The following CTNNA3 variants were observed in gnomAD, a reference collection of about 807,000 sequenced individuals.
The protein encoded by CTNNA3 is catenin alpha 3, also known as catenin alpha-3.
Under a neutral mutation model 95.7 loss-of-function variants are expected in CTNNA3, and 76 were observed. The observed-to-expected ratio is 0.79, with a 90% CI of 0.66 to 0.96. The LOEUF (loss-of-function observed/expected upper bound fraction) is 0.96, where lower values mean the gene tolerates loss of function less well. Ranked by LOEUF, CTNNA3 falls within the 40% of genes least tolerant of loss-of-function variation. The pLI is 0.00. For synonymous variants in CTNNA3, 431 were observed against 374.4 expected, an observed-to-expected ratio of 1.15 and a Z score of -1.74; for missense variants, 1,191 against 1,089.8, an observed-to-expected ratio of 1.09 and a Z score of -1.31.
intron 12 of CTNNA3, among the ~76,000 whole-genome samples, chr10:66,289,710 G>A (rs573209747): frequency 6.6e-6 from 1 of 152,008 alleles, no homozygotes; most frequent in African/African-American, 2.4e-5. Context: ...TCTTTTTAAA[G>A]CTGAATTTCC....
intron 1 of CTNNA3, among the ~76,000 whole-genome samples, chr10:67,708,138 G>T (rs529964892): frequency 1.3e-5 from 2 of 152,264 alleles, no homozygotes; most frequent in East Asian, 3.9e-4. Context: ...GGGCTAAAAT[G>T]AATGTTTTTC....
At chr10:66,322,292 C>T (rs1168331785) in intron 12 of CTNNA3, among the ~76,000 whole-genome samples, 1 of 152,096 alleles carries the variant, frequency 6.6e-6, no homozygotes, top group African/African-American at 2.4e-5. Flanking sequence ...TTTTCAGGCA[C>T]TGGAAAACAG....
At chr10:66,081,404 G>T (rs1256114027) in intron 14 of CTNNA3, among the ~76,000 whole-genome samples, 1 of 152,092 alleles carries the variant, frequency 6.6e-6, no homozygotes, top group African/African-American at 2.4e-5. Flanking sequence ...TTGAAGCCAG[G>T]AGTTCAAGAC....
intron 9 of CTNNA3, among the ~76,000 whole-genome samples, chr10:66,753,200 A>G (rs997210905): frequency 2.0e-5 from 3 of 152,100 alleles, no homozygotes; most frequent in African/African-American, 7.2e-5. Flanking sequence ...AGTTCTCCCA[A>G]TAAATCACTA....
intron 5 of CTNNA3, among the ~76,000 whole-genome samples, chr10:67,440,157 A>G (rs1233030683): frequency 6.6e-6 from 1 of 152,148 alleles, no homozygotes; most frequent in Non-Finnish European, 1.5e-5. Context: ...AAGCTGACTG[A>G]AGAGCCCTTT....
intron 7 of CTNNA3, among the ~76,000 whole-genome samples, chr10:66,814,623 G>A (rs1470502694): frequency 1.3e-5 from 2 of 151,966 alleles, no homozygotes; most frequent in East Asian, 2.0e-4. Context: ...TTAGCCAGGC[G>A]TGCTAGCACG....
At chr10:66,767,450 C>T (rs1391931726) in intron 8 of CTNNA3, among the ~76,000 whole-genome samples, 1 of 82,982 alleles carries the variant, frequency 1.2e-5, no homozygotes, top group Admixed American at 1.4e-4. Flanking sequence ...CATCCACTCC[C>T]CCCGACAAAA....
intron 2 of CTNNA3, among the ~76,000 whole-genome samples, chr10:67,612,004 A>T (rs1843476513): frequency 6.6e-6 from 1 of 152,198 alleles, no homozygotes; most frequent in Admixed American, 6.5e-5. Flanking sequence ...AGTCTCGGGG[A>T]GGAGAGGGGG....
chr10:66,794,068 A>G (rs1464886656), intron 7 of CTNNA3, among the ~76,000 whole-genome samples: 2 of 152,172 alleles, frequency 1.3e-5, no homozygotes, highest in Non-Finnish European at 2.9e-5. Context: ...TTAAGATTAA[A>G]TTACCTGGCC....
chr10:66,521,691 A>C (rs909121793), intron 10 of CTNNA3, among the ~76,000 whole-genome samples: 1 of 152,164 alleles, frequency 6.6e-6, no homozygotes, highest in Non-Finnish European at 1.5e-5. Flanking sequence ...GGAAGTCATT[A>C]AGTAAAATGC....
At chr10:66,411,771 T>C (rs2093107283) in intron 11 of CTNNA3, among the ~76,000 whole-genome samples, 1 of 152,186 alleles carries the variant, frequency 6.6e-6, no homozygotes, top group East Asian at 1.9e-4. Context: ...CAATTTTACA[T>C]GAGTGTCTTT....
intron 11 of CTNNA3, among the ~76,000 whole-genome samples, chr10:66,514,347 T>C (rs887842375): frequency 6.6e-6 from 1 of 152,106 alleles, no homozygotes; most frequent in Non-Finnish European, 1.5e-5. Context: ...AAAAGAAAGT[T>C]ACTTGAACTG....
intron 5 of CTNNA3, among the ~76,000 whole-genome samples, chr10:67,439,372 A>G (rs1846416014): frequency 6.6e-6 from 1 of 152,148 alleles, no homozygotes; most frequent in Admixed American, 6.6e-5. Context: ...GCATCTGTTC[A>G]GCTCATAAGG....
chr10:66,012,174 A>C (rs1241339625), intron 15 of CTNNA3, among the ~76,000 whole-genome samples: 1 of 152,212 alleles, frequency 6.6e-6, no homozygotes, highest in Non-Finnish European at 1.5e-5. Flanking sequence ...GCTTGAAATC[A>C]AATAGGGAAA....
intron 7 of CTNNA3, among the ~76,000 whole-genome samples, chr10:67,053,749 G>T (rs1453827794): frequency 6.6e-6 from 1 of 152,112 alleles, no homozygotes; most frequent in East Asian, 1.9e-4. Context: ...AAAGGAGTAT[G>T]AAACGAATTC....
intron 10 of CTNNA3, among the ~76,000 whole-genome samples, chr10:66,544,448 C>A (rs1391141087): frequency 6.6e-6 from 1 of 152,036 alleles, no homozygotes; most frequent in Non-Finnish European, 1.5e-5. Context: ...TTTCCTATTA[C>A]CATCGTTTGA....
At chr10:67,491,488 T>C (rs1457474098) in intron 5 of CTNNA3, among the ~76,000 whole-genome samples, 1 of 152,140 alleles carries the variant, frequency 6.6e-6, no homozygotes, top group Admixed American at 6.6e-5. Flanking sequence ...CCATCACATA[T>C]GCAACTGAAG....
chr10:66,946,192 T>C (rs1284436072), intron 7 of CTNNA3, among the ~76,000 whole-genome samples: 1 of 152,148 alleles, frequency 6.6e-6, no homozygotes, highest in African/African-American at 2.4e-5. Flanking sequence ...GAGGTGTGCC[T>C]GCACTCTGTT....
At position 66,438,634 on chromosome 10, in the gene CTNNA3, T is replaced by C. The variant is rs111268769; in HGVS notation, c.1532-59282A>G. 3.8e-3 allele frequency among the ~76,000 whole-genome samples: 580 copies of C among 152,216 alleles called. 6 individuals are homozygous for C. Among genetic ancestry groups the C allele is most frequent in the South Asian group, 8.3e-3 (40 of 4,820 alleles). On this transcript the variant is annotated intron_variant, in intron 11 of 17. Coordinates refer to ENST00000433211, the MANE Select transcript of CTNNA3 (RefSeq NM_013266.4). ...AAGCCATGGAGCTTGTTGGGCTCCA[T>C]GGGGGTGGGATCCGCTGAGCTAGAC...
Sources: gnomAD v4.1 joint callset for allele counts (sites outside exome capture counted in the v4.1 genomes callset) on GRCh38, gnomAD v4.1.1 for gene constraint, MANE v1.5 for transcripts, NCBI Gene and HGNC (gene_info 2026-07-23, HGNC 2026-07-21) for gene names.